Variants in AKAP6 observed in about 807,000 individuals in gnomAD.
The protein encoded by AKAP6 is A-kinase anchoring protein 6, also known as A-kinase anchor protein 6.
Under a neutral mutation model 188.5 loss-of-function variants are expected in AKAP6, and 58 were observed. The observed-to-expected ratio is 0.31, with a 90% CI of 0.25 to 0.38. The LOEUF is 0.38. Ranked by LOEUF, AKAP6 falls within the 10% of genes least tolerant of loss-of-function variation. The pLI, the probability that AKAP6 is intolerant of heterozygous loss-of-function variation, is 1.00. For missense variants in AKAP6, 2,710 were observed against 2,740.0 expected (o/e 0.99, Z 0.24); for synonymous variants, 989 against 998.6 (o/e 0.99, Z 0.18).
intron 1 of AKAP6, among the ~76,000 whole-genome samples, chr14:32,402,606 AC>A: frequency 6.6e-6 from 1 of 152,108 alleles, no homozygotes; most frequent in Non-Finnish European, 1.5e-5. Flanking sequence ...TATTTTGCAA[AC>A]TTGACTATAC....
At chr14:32,439,114 A>G (rs904744747) in intron 2 of AKAP6, 2 of 152,140 alleles carry the variant, frequency 1.3e-5, no homozygotes, top group South Asian at 4.1e-4. Flanking sequence ...ATGACTCTCA[A>G]AGTTAGAGTA....
intron 1 of AKAP6, among the ~76,000 whole-genome samples, chr14:32,398,840 T>C: frequency 1.5e-5 from 2 of 137,254 alleles, no homozygotes; most frequent in South Asian, 2.4e-4. Flanking sequence ...CTCTCTTTCT[T>C]CCTGTTTTTT....
chr14:32,339,886 G>A lies in AKAP6; in HGVS notation c.-35+10478G>A, dbSNP rs370798561. 2.6e-5 allele frequency among the ~76,000 whole-genome samples: 4 copies of A among 151,970 alleles called. No homozygotes were observed. The East Asian group carries it at 7.7e-4, about 29-fold the overall frequency. On this transcript the variant is annotated intron_variant, in intron 1 of 13. Coordinates refer to ENST00000280979, the MANE Select transcript of AKAP6 (RefSeq NM_004274.5). ...TTAGATTCAAAACAATCTTTGAAGT[G>A]GATATCTGCAGCTGAATTTTGTACC...
At chr14:32,452,226 C>A (rs1341748198) in intron 2 of AKAP6, among the ~76,000 whole-genome samples, 2 of 151,566 alleles carry the variant, frequency 1.3e-5, no homozygotes, top group Non-Finnish European at 2.9e-5. Context: ...TAGAGATGGG[C>A]TTTTGCCTTG....
At chr14:32,574,247 A>G (rs1255836768) in intron 4 of AKAP6, among the ~76,000 whole-genome samples, 2 of 152,192 alleles carry the variant, frequency 1.3e-5, no homozygotes, top group Non-Finnish European at 2.9e-5. Flanking sequence ...TGTGCAACAA[A>G]TAAAAAGTTG....
intron 11 of AKAP6, among the ~76,000 whole-genome samples, chr14:32,764,424 T>G (rs1025457926): frequency 2.0e-4 from 30 of 152,338 alleles, no homozygotes; most frequent in African/African-American, 7.0e-4. Context: ...AGAAAGAGGT[T>G]GTTGGCTGTC....
chr14:32,804,697 C>G (rs12892780), intron 12 of AKAP6, among the ~76,000 whole-genome samples: 33,915 of 151,924 alleles, frequency 0.22, 4,560 homozygotes, highest in Non-Finnish European at 0.3. Flanking sequence ...TTTCCCCACC[C>G]TAATAAGCCT....
At chr14:32,563,923 A>G (rs1884075421) in intron 4 of AKAP6, among the ~76,000 whole-genome samples, 1 of 152,210 alleles carries the variant, frequency 6.6e-6, no homozygotes, top group Non-Finnish European at 1.5e-5. Flanking sequence ...TATGAATAAT[A>G]TATACTTATT....
intron 2 of AKAP6, among the ~76,000 whole-genome samples, chr14:32,435,115 C>T (rs1212671944): frequency 1.3e-5 from 2 of 152,170 alleles, no homozygotes; most frequent in Non-Finnish European, 2.9e-5. Flanking sequence ...AGCAGGTCTC[C>T]AACTCCTTGA....
At chr14:32,689,472 T>C (rs530710710) in intron 8 of AKAP6, among the ~76,000 whole-genome samples, 8 of 152,168 alleles carry the variant, frequency 5.3e-5, no homozygotes, top group Non-Finnish European at 1.0e-4. Context: ...CTGAGGAAAT[T>C]ACTGCTAGAA....
intron 1 of AKAP6, among the ~76,000 whole-genome samples, chr14:32,368,855 T>C (rs1178475695): frequency 1.3e-5 from 2 of 149,942 alleles, no homozygotes; most frequent in African/African-American, 2.5e-5. Flanking sequence ...TTGAAACTTA[T>C]AGTTTAGTGG....
At chr14:32,373,105 T>G (rs1594552284) in intron 1 of AKAP6, among the ~76,000 whole-genome samples, 1 of 145,668 alleles carries the variant, frequency 6.9e-6, no homozygotes, top group East Asian at 2.1e-4. Flanking sequence ...TTTGGGGGGG[T>G]GGGGTATAAG....
intron 2 of AKAP6, among the ~76,000 whole-genome samples, chr14:32,467,410 CTCT>C (rs1878525710): frequency 6.6e-6 from 1 of 152,016 alleles, no homozygotes; most frequent in African/African-American, 2.4e-5. Context: ...GTTCATTATC[CTCT>C]TCTTTCTGTT....
intron 1 of AKAP6, among the ~76,000 whole-genome samples, chr14:32,369,093 G>A (rs996425300): frequency 6.6e-6 from 1 of 152,054 alleles, no homozygotes; most frequent in Admixed American, 6.6e-5. Context: ...AGGAAAGATG[G>A]GCACTCTTCA....
At chr14:32,491,197 A>G (rs1879995739) in intron 2 of AKAP6, among the ~76,000 whole-genome samples, 1 of 152,186 alleles carries the variant, frequency 6.6e-6, no homozygotes, top group Admixed American at 6.5e-5. Context: ...ACCCATGCCA[A>G]GAAATGAAGA....
chr14:32,812,784 C>T (rs2034269900), intron 12 of AKAP6, among the ~76,000 whole-genome samples: 1 of 152,166 alleles, frequency 6.6e-6, no homozygotes. Flanking sequence ...GAGGTTATTG[C>T]ACCTGAGAAT....
intron 2 of AKAP6, among the ~76,000 whole-genome samples, chr14:32,525,950 G>A (rs918350376): frequency 7.2e-5 from 11 of 152,128 alleles, no homozygotes; most frequent in African/African-American, 2.7e-4. Context: ...CATAATTTTA[G>A]CACTAAAAAG....
At chr14:32,447,923 A>G (rs1420384313) in intron 2 of AKAP6, among the ~76,000 whole-genome samples, 1 of 152,230 alleles carries the variant, frequency 6.6e-6, no homozygotes, top group Non-Finnish European at 1.5e-5. Flanking sequence ...AAATCTACCC[A>G]TGCACATTGC....
chr14:32,436,802 G>A (rs894668545), intron 2 of AKAP6, among the ~76,000 whole-genome samples: 1 of 152,078 alleles, frequency 6.6e-6, no homozygotes, highest in Non-Finnish European at 1.5e-5. Context: ...TAGGCATGGT[G>A]GTGTGCACCT....
Sources: allele counts gnomAD v4.1 joint callset (sites outside exome capture counted in the v4.1 genomes callset), GRCh38; gene constraint gnomAD v4.1.1; transcripts MANE v1.5; gene names NCBI Gene and HGNC (gene_info 2026-07-23, HGNC 2026-07-21).